Variants in MAML2 observed in about 807,000 individuals in gnomAD.
The protein encoded by MAML2 is mastermind like transcriptional coactivator 2.
A neutral mutation model predicts 96.1 loss-of-function variants in MAML2; 22 were observed. The ratio of observed to expected loss-of-function variants is 0.23; its 90% confidence interval spans 0.16 to 0.33. MAML2 has a LOEUF of 0.33. Ranked by LOEUF, MAML2 falls within the 10% of genes least tolerant of loss-of-function variation. The pLI, the probability that MAML2 is intolerant of heterozygous loss-of-function variation, is 1.00. For synonymous variants in MAML2, 561 were observed against 521.3 expected, an observed-to-expected ratio of 1.08 and a Z score of -1.04; for missense variants, 1,367 against 1,392.4, an observed-to-expected ratio of 0.98 and a Z score of 0.29.
chr11:96,027,146 T>C (rs1461289487), intron 2 of MAML2, among the ~76,000 whole-genome samples: 1 of 152,212 alleles, frequency 6.6e-6, no homozygotes, highest in Non-Finnish European at 1.5e-5. Flanking sequence ...GGCTACAGTC[T>C]CAAGATAGCT....
chr11:96,102,498 T>C (rs1483393490), intron 1 of MAML2, among the ~76,000 whole-genome samples: 1 of 152,170 alleles, frequency 6.6e-6, no homozygotes, highest in Non-Finnish European at 1.5e-5. Context: ...CACTCCCTTA[T>C]AATGAAGTAC....
At chr11:96,230,656 A>G (rs560316590) in intron 1 of MAML2, among the ~76,000 whole-genome samples, 2 of 152,340 alleles carry the variant, frequency 1.3e-5, no homozygotes, top group East Asian at 1.9e-4. Flanking sequence ...GACAGCCCAC[A>G]TCAGATTATG....
chr11:96,138,326 G>A (rs1276210326), intron 1 of MAML2, among the ~76,000 whole-genome samples: 3 of 152,060 alleles, frequency 2.0e-5, no homozygotes, highest in African/African-American at 4.8e-5. Flanking sequence ...CCACCTGACC[G>A]CCACCTGAGC....
chr11:96,010,736 AAGAG>A (rs1247704249), intron 2 of MAML2, among the ~76,000 whole-genome samples: 1 of 152,206 alleles, frequency 6.6e-6, no homozygotes, highest in Non-Finnish European at 1.5e-5. Context: ...ATTTGTTAGA[AAGAG>A]AGAGAAAGAG....
At position 96,092,954 on chromosome 11, in the gene MAML2, C is replaced by A. The variant is rs755468991; in HGVS notation, c.1077G>T (p.Met359Ile). Residue 359 changes from methionine to isoleucine, a missense_variant, in exon 2 of 5, where the codon ATG (methionine) becomes ATT (isoleucine). By Grantham distance (10) the Met-to-Ile change is conservative. Coordinates refer to ENST00000524717, the MANE Select transcript of MAML2 (RefSeq NM_032427.4). This position sits in a 1 kb window ranked among gnomAD's most constrained non-coding sequence, Gnocchi z 4.1. ...QRSTPRPSLP[M>I]EKIVIKSEYS... ...ATTCACTTTTGATCACTATTTTCTC[C>A]ATGGGTAAGGAGGGCCTAGGTGTGC... is the stretch of plus-strand genomic sequence containing the variant. 1 of 1,612,862 alleles carries A rather than the reference C, an allele frequency of 6.2e-7. No individual in the cohort carries two copies. The highest frequency in any genetic ancestry group is 1.1e-5 in the South Asian group (1 of 90,904).
intron 1 of MAML2, among the ~76,000 whole-genome samples, chr11:96,275,939 T>G (rs1014263897): frequency 2.6e-5 from 4 of 152,262 alleles, no homozygotes; most frequent in African/African-American, 9.6e-5. Flanking sequence ...CTCCAGGAAC[T>G]TACATTCCTT....
intron 2 of MAML2, among the ~76,000 whole-genome samples, chr11:95,992,180 A>C (rs968247308): frequency 4.6e-5 from 7 of 152,152 alleles, no homozygotes; most frequent in African/African-American, 7.2e-5. Context: ...GACAGAAGGC[A>C]TTTTGCCTTA....
At chr11:96,003,682 C>A (rs998241876) in intron 2 of MAML2, among the ~76,000 whole-genome samples, 21 of 151,946 alleles carry the variant, frequency 1.4e-4, no homozygotes, top group African/African-American at 4.6e-4. Flanking sequence ...TGATTAAGAA[C>A]AAATAGCATA....
chr11:96,293,156 T>C (rs1413029641), intron 1 of MAML2, among the ~76,000 whole-genome samples: 1 of 152,230 alleles, frequency 6.6e-6, no homozygotes, highest in Non-Finnish European at 1.5e-5. Context: ...GAATCACTAA[T>C]GAAAATGGAT....
At chr11:96,300,931 A>C (rs1863377882) in intron 1 of MAML2, among the ~76,000 whole-genome samples, 1 of 152,336 alleles carries the variant, frequency 6.6e-6, no homozygotes, top group African/African-American at 2.4e-5. Flanking sequence ...CCTATGCCTC[A>C]GTTTCCTTTT....
At chr11:96,193,850 A>G (rs1317163303) in intron 1 of MAML2, among the ~76,000 whole-genome samples, 1 of 152,214 alleles carries the variant, frequency 6.6e-6, no homozygotes, top group Non-Finnish European at 1.5e-5. Flanking sequence ...CTTAAGAAAC[A>G]TATCAAAAGT....
chr11:96,203,567 A>T (rs932523348), intron 1 of MAML2, among the ~76,000 whole-genome samples: 1 of 152,248 alleles, frequency 6.6e-6, no homozygotes, highest in African/African-American at 2.4e-5. Context: ...TACAAAAAAA[A>T]GTAAAAGAAA....
chr11:96,083,963 T>C (rs1859567909), intron 2 of MAML2, among the ~76,000 whole-genome samples: 2 of 152,160 alleles, frequency 1.3e-5, no homozygotes, highest in African/African-American at 4.8e-5. Flanking sequence ...AATGAAGTCT[T>C]AGCTGAGACT....
chr11:96,160,944 G>A (rs1262248967), intron 1 of MAML2, among the ~76,000 whole-genome samples: 1 of 152,178 alleles, frequency 6.6e-6, no homozygotes, highest in Non-Finnish European at 1.5e-5. Context: ...GACCCTTGTC[G>A]AACACTTTCC....
intron 2 of MAML2, among the ~76,000 whole-genome samples, chr11:96,058,103 T>TA (rs1217184136): frequency 6.6e-6 from 1 of 152,222 alleles, no homozygotes; most frequent in Non-Finnish European, 1.5e-5. Flanking sequence ...CACATGGTTT[T>TA]AATGAGTAGA....
chr11:95,991,067 C>G (rs1236773923), intron 3 of MAML2, among the ~76,000 whole-genome samples: 1 of 151,056 alleles, frequency 6.6e-6, no homozygotes, highest in Non-Finnish European at 1.5e-5. Context: ...AAAAATCCCC[C>G]ATTGTGAGTT....
chr11:96,207,484 C>G (rs964615400), intron 1 of MAML2, among the ~76,000 whole-genome samples: 1 of 152,238 alleles, frequency 6.6e-6, no homozygotes, highest in Non-Finnish European at 1.5e-5. Context: ...ACATAACTGC[C>G]TGCCTGGGGC....
At chr11:96,250,425 T>A (rs1237636885) in intron 1 of MAML2, among the ~76,000 whole-genome samples, 1 of 152,240 alleles carries the variant, frequency 6.6e-6, no homozygotes, top group Non-Finnish European at 1.5e-5. Flanking sequence ...CTATCCGCCT[T>A]CTAGCTAGTT....
chr11:96,166,588 C>G (rs1861198816), intron 1 of MAML2, among the ~76,000 whole-genome samples: 1 of 152,170 alleles, frequency 6.6e-6, no homozygotes, highest in Non-Finnish European at 1.5e-5. Flanking sequence ...GGTCGAATGT[C>G]AATAGCTAAA....
Sources: gnomAD v4.1 joint callset for allele counts (sites outside exome capture counted in the v4.1 genomes callset) on GRCh38, gnomAD v4.1.1 for gene constraint, Gnocchi (gnomAD v3.1) non-coding constraint, MANE v1.5 for transcripts, NCBI Gene and HGNC (gene_info 2026-07-23, HGNC 2026-07-21) for gene names.